MARCHF4: variants seen among roughly 807,000 people sequenced by gnomAD.
MARCHF4 encodes E3 ubiquitin-protein ligase MARCHF4.
Under a neutral mutation model 43.9 loss-of-function variants are expected in MARCHF4, and 14 were observed. That is an observed-to-expected ratio of 0.32 (90% confidence interval 0.21 to 0.50). The LOEUF is 0.50. Ranked by LOEUF, MARCHF4 falls within the 20% of genes least tolerant of loss-of-function variation. The pLI is 0.98. For synonymous variants in MARCHF4, 226 were observed against 213.3 expected, an observed-to-expected ratio of 1.06 and a Z score of -0.52; for missense variants, 468 against 536.7, an observed-to-expected ratio of 0.87 and a Z score of 1.27.
chr2:216,333,800 G>A (rs142731027), intron 1 of MARCHF4, among the ~76,000 whole-genome samples: 5 of 152,156 alleles, frequency 3.3e-5, no homozygotes, highest in African/African-American at 9.6e-5. Context: ...AAAGAGACCC[G>A]TCCCTAGGAC....
intron 3 of MARCHF4, among the ~76,000 whole-genome samples, chr2:216,262,731 G>A (rs958693014): frequency 2.0e-5 from 3 of 152,086 alleles, no homozygotes; most frequent in Non-Finnish European, 2.9e-5. Flanking sequence ...CATCCTCAAT[G>A]CTATCACACC....
At chr2:216,264,782 C>A (rs750129789) in intron 3 of MARCHF4, among the ~76,000 whole-genome samples, 1 of 152,160 alleles carries the variant, frequency 6.6e-6, no homozygotes, top group South Asian at 2.1e-4. Flanking sequence ...GTGAATGCTG[C>A]CTTCCAATTA....
chr2:216,337,696 C>T (rs13382278), intron 1 of MARCHF4, among the ~76,000 whole-genome samples: 2,804 of 152,294 alleles, frequency 0.018, 82 homozygotes, highest in African/African-American at 0.064. Context: ...TTTTCCTTGA[C>T]CTTCACATCT....
chr2:216,333,767 C>G (rs1262470372), intron 1 of MARCHF4, among the ~76,000 whole-genome samples: 2 of 152,144 alleles, frequency 1.3e-5, no homozygotes, highest in African/African-American at 2.4e-5. Flanking sequence ...GGCTTCTATC[C>G]TCCTATATTT....
chr2:216,268,704 A>G (rs1690885928), intron 3 of MARCHF4, among the ~76,000 whole-genome samples: 1 of 152,198 alleles, frequency 6.6e-6, no homozygotes, highest in Non-Finnish European at 1.5e-5. Context: ...TGGTCTTCAG[A>G]CCTAGATCTG....
chr2:216,346,207 G>T (rs374718382), intron 1 of MARCHF4, among the ~76,000 whole-genome samples: 14 of 152,212 alleles, frequency 9.2e-5, no homozygotes, highest in Non-Finnish European at 2.1e-4. Context: ...AGAATAGTTG[G>T]TCATTCTATG....
intron 1 of MARCHF4, among the ~76,000 whole-genome samples, chr2:216,286,747 T>C (rs1252800651): frequency 2.0e-5 from 3 of 152,174 alleles, no homozygotes; most frequent in Non-Finnish European, 4.4e-5. Flanking sequence ...ATCTTTTTAG[T>C]GTTTAGGGCT....
At chr2:216,279,003 G>A (rs1379894275) in intron 2 of MARCHF4, among the ~76,000 whole-genome samples, 1 of 152,174 alleles carries the variant, frequency 6.6e-6, no homozygotes, top group East Asian at 1.9e-4. Context: ...TGAAGCCCTA[G>A]GCGAAAACAG....
chr2:216,307,782 C>T (rs1691614428), intron 1 of MARCHF4, among the ~76,000 whole-genome samples: 1 of 152,126 alleles, frequency 6.6e-6, no homozygotes, highest in Admixed American at 6.5e-5. Flanking sequence ...TTCATTCGTT[C>T]ATGAAATACT....
chr2:216,279,335 G>C (rs1380147304), intron 2 of MARCHF4, among the ~76,000 whole-genome samples: 2 of 152,190 alleles, frequency 1.3e-5, no homozygotes, highest in Non-Finnish European at 2.9e-5. Flanking sequence ...TGTGGGGTGA[G>C]ACAACTGGAA....
At chr2:216,264,586 G>A (rs559424738) in intron 3 of MARCHF4, among the ~76,000 whole-genome samples, 108 of 152,230 alleles carry the variant, frequency 7.1e-4, no homozygotes, top group African/African-American at 2.1e-3. Context: ...GTTAATCTCC[G>A]GCAGCTAACA....
At chr2:216,272,013 T>C (rs1188944626) in intron 3 of MARCHF4, among the ~76,000 whole-genome samples, 1 of 145,030 alleles carries the variant, frequency 6.9e-6, no homozygotes, top group African/African-American at 2.6e-5. Context: ...ACATGGTGGC[T>C]AATGCCTGTA....
intron 1 of MARCHF4, among the ~76,000 whole-genome samples, chr2:216,309,924 G>A (rs557803723): frequency 6.6e-6 from 1 of 151,966 alleles, no homozygotes; most frequent in African/African-American, 2.4e-5. Flanking sequence ...CCCTGATTCC[G>A]AAGCCCAATC....
chr2:216,349,812 G>A (rs1185607943), intron 1 of MARCHF4, among the ~76,000 whole-genome samples: 2 of 152,164 alleles, frequency 1.3e-5, no homozygotes, highest in African/African-American at 2.4e-5. Flanking sequence ...CCTCAGGAGT[G>A]CCTGGTTGTC....
chr2:216,349,460 C>T (rs570770631), intron 1 of MARCHF4, among the ~76,000 whole-genome samples: 1 of 152,296 alleles, frequency 6.6e-6, no homozygotes, highest in Admixed American at 6.5e-5. Context: ...TTGAGCTCAT[C>T]GTTCACCTGG....
intron 3 of MARCHF4, among the ~76,000 whole-genome samples, chr2:216,277,280 T>C (rs546358518): frequency 2.6e-5 from 4 of 152,276 alleles, no homozygotes; most frequent in South Asian, 4.1e-4. Flanking sequence ...CTAGGTAGTT[T>C]GCTGTGAAGA....
At chr2:216,354,903 CTTTCTTTCTT>C (rs1220402752) in intron 1 of MARCHF4, among the ~76,000 whole-genome samples, 9 of 55,284 alleles carry the variant, frequency 1.6e-4, no homozygotes, top group Admixed American at 6.0e-4. Context: ...TTCTTTCTTT[CTTTCTTTCTT>C]TCTTTCTTTC....
intron 1 of MARCHF4, among the ~76,000 whole-genome samples, chr2:216,318,977 T>C (rs1691832423): frequency 2.0e-5 from 3 of 152,130 alleles, no homozygotes; most frequent in Admixed American, 2.0e-4. Context: ...TTGTGATTGC[T>C]GAAATAATTC....
At chr2:216,314,468 C>T (rs1691739924) in intron 1 of MARCHF4, among the ~76,000 whole-genome samples, 1 of 151,934 alleles carries the variant, frequency 6.6e-6, no homozygotes, top group Non-Finnish European at 1.5e-5. Context: ...GGATTACAGG[C>T]ACACGCCACC....
Sources: allele counts gnomAD v4.1 joint callset (sites outside exome capture counted in the v4.1 genomes callset), GRCh38; gene constraint gnomAD v4.1.1; transcripts MANE v1.5; gene names NCBI Gene and HGNC (gene_info 2026-07-23, HGNC 2026-07-21).